Variants in FAM186B observed in about 807,000 individuals in gnomAD.
FAM186B encodes the protein protein FAM186B.
In FAM186B, 68 loss-of-function variants were observed where a neutral mutation model predicts 83.4. The observed-to-expected ratio is 0.81, with a 90% CI of 0.67 to 1.00. The LOEUF (loss-of-function observed/expected upper bound fraction) is 1.00. FAM186B is among the 50% of genes least tolerant of loss of function. The pLI, the probability that FAM186B is intolerant of heterozygous loss-of-function variation, is 0.00. For synonymous variants in FAM186B, 389 were observed against 422.0 expected (o/e 0.92, Z 0.96); for missense variants, 983 against 1,099.2 (o/e 0.89, Z 1.49).
Position 49,599,657 on chromosome 12 carries a change from C to T in FAM186B, c.1983G>A (p.Val661=), listed in dbSNP as rs1200540762. 5 of 1,605,428 alleles carry T rather than the reference C, an allele frequency of 3.1e-6. No homozygotes were observed. In the African/African-American group the frequency reaches 6.7e-5, roughly 22 times the overall value. Residue 661 remains valine, a synonymous_variant, in exon 4 of 7, where the codon GTG becomes GTA. Coordinates refer to ENST00000257894, the MANE Select transcript of FAM186B (RefSeq NM_032130.3). ...QISPANIKKK[V]YHMDMEAQRK... ...TCTGGGCCTCCATGTCCATGTGGTA[C>T]ACCTTCTTCTTAATATTTGCAGGGG...
the FAM186B span, among the ~76,000 whole-genome samples, chr12:49,616,408 A>G: frequency 6.6e-6 from 1 of 152,242 alleles, no homozygotes; most frequent in Non-Finnish European, 1.5e-5. Context: ...ATTATAAAAC[A>G]TATGTCCACA....
At chr12:49,589,137 T>C (rs1939519570) in intron 5 of FAM186B, among the ~76,000 whole-genome samples, 1 of 152,214 alleles carries the variant, frequency 6.6e-6, no homozygotes. Flanking sequence ...TATAAGGTGA[T>C]ATGAAACCTC....
chr12:49,608,359 T>G (rs1325546363), upstream of FAM186B, among the ~76,000 whole-genome samples: 2 of 150,882 alleles, frequency 1.3e-5, no homozygotes, highest in Non-Finnish European at 3.0e-5. Context: ...GGTGTGGTGG[T>G]GTGCACCTGT....
At chr12:49,597,193 CAA>C (rs1565808328) in intron 5 of FAM186B, among the ~76,000 whole-genome samples, 1 of 152,146 alleles carries the variant, frequency 6.6e-6, no homozygotes, top group Admixed American at 6.5e-5. Context: ...GTTCACACAA[CAA>C]AAAATTGCTT....
chr12:49,592,272 GA>G (rs1468211407), intron 5 of FAM186B, among the ~76,000 whole-genome samples: 2 of 152,118 alleles, frequency 1.3e-5, no homozygotes, highest in Non-Finnish European at 2.9e-5. Flanking sequence ...AGGAGTTCGA[GA>G]CCAGCCTGAC....
At chr12:49,587,850 C>A in intron 6 of FAM186B, 98 bp from the exon 7 acceptor site, 1 of 1,341,912 alleles carries the variant, frequency 7.5e-7, no homozygotes, top group South Asian at 1.4e-5. Context: ...GCTTTGTCTC[C>A]TTCCCTTCTC....
the FAM186B span, among the ~76,000 whole-genome samples, chr12:49,614,127 G>A: frequency 2.0e-5 from 3 of 150,196 alleles, no homozygotes; most frequent in African/African-American, 4.9e-5. Flanking sequence ...TCCAGCCTGG[G>A]CAACAAGAGT....
chr12:49,593,643 A>AAAAAAAAG (rs61115320), intron 5 of FAM186B, among the ~76,000 whole-genome samples: 1 of 150,164 alleles, frequency 6.7e-6, no homozygotes. Flanking sequence ...AAAAAAAAAA[A>AAAAAAAAG]AAAGAAAAGA....
rs751420833 is a variant in FAM186B at position 49,603,275 on chromosome 12, G to A, written c.415C>T (p.Pro139Ser). The A allele has an allele frequency of 1.2e-6, 2 of 1,614,196 alleles. No individual in the cohort carries two copies. Among genetic ancestry groups the A allele is most frequent in the Non-Finnish European group, 1.7e-6 (2 of 1,180,038 alleles). Residue 139 changes from proline (P) to serine (S), a missense_variant, in exon 3 of 7, where the codon CCG (proline) becomes TCG (serine). Coordinates refer to ENST00000257894, the MANE Select transcript of FAM186B (RefSeq NM_032130.3). ...CTTTTGGTGGCAATGAGGGACAGCG[G>A]TAACACTTTCTCCGTCACTTCAATC... ...EWIEVTEKVL[P>S]LSLIATKRGI...
At chr12:49,584,729 ACT>A (rs1483011224), downstream of FAM186B, 51 of 664,780 alleles carry the variant, frequency 7.7e-5, no homozygotes, top group Admixed American at 8.5e-5. Flanking sequence ...CTGAGCCCAG[ACT>A]CAGCCTGGAC....
chr12:49,611,774 G>A, the FAM186B span, among the ~76,000 whole-genome samples: 9 of 141,794 alleles, frequency 6.3e-5, no homozygotes, highest in East Asian at 2.1e-4. Flanking sequence ...CAGGAGAATC[G>A]CTTGAACCTG....
chr12:49,612,144 C>T, the FAM186B span, among the ~76,000 whole-genome samples: 198 of 152,140 alleles, frequency 1.3e-3, no homozygotes, highest in South Asian at 0.011. Context: ...CAATATTAAC[C>T]TTGAATGTAA....
the FAM186B span, among the ~76,000 whole-genome samples, chr12:49,617,726 G>GT: frequency 6.6e-6 from 1 of 151,276 alleles, no homozygotes; most frequent in Admixed American, 6.6e-5. Context: ...AAGTTTCTGG[G>GT]TAAAAAATGG....
downstream of FAM186B, chr12:49,583,531 A>G (rs1939378856): frequency 6.4e-6 from 1 of 155,918 alleles, no homozygotes; most frequent in South Asian, 1.9e-4. Context: ...GTCCTGCATC[A>G]TGATGCCAAC....
upstream of FAM186B, among the ~76,000 whole-genome samples, chr12:49,606,486 GACACACACACACACACACACACAC>G (rs57458344): frequency 7.4e-6 from 1 of 135,994 alleles, no homozygotes; most frequent in Non-Finnish European, 1.6e-5. Flanking sequence ...TAGATACCCT[GACACACACACACACACACACACAC>G]ACACACACAC....
the FAM186B span, chr12:49,622,506 C>T: frequency 6.6e-6 from 1 of 152,264 alleles, no homozygotes; most frequent in Non-Finnish European, 1.5e-5. Context: ...TACGCTGCCT[C>T]AAATAAGAAA....
At chr12:49,602,452 G>A (rs1939915634) in intron 3 of FAM186B, among the ~76,000 whole-genome samples, 1 of 152,170 alleles carries the variant, frequency 6.6e-6, no homozygotes, top group Non-Finnish European at 1.5e-5. Context: ...TCCAAGCATG[G>A]TGTCAGACAC....
intron 5 of FAM186B, among the ~76,000 whole-genome samples, chr12:49,592,793 A>T (rs1027861042): frequency 2.0e-5 from 3 of 152,188 alleles, no homozygotes; most frequent in Non-Finnish European, 4.4e-5. Flanking sequence ...CAAAAAATAA[A>T]AATAAAAAAT....
intron 2 of FAM186B, among the ~76,000 whole-genome samples, chr12:49,603,953 C>T (rs1242008448): frequency 6.6e-6 from 1 of 152,214 alleles, no homozygotes; most frequent in Non-Finnish European, 1.5e-5. Flanking sequence ...CAAATGGCTG[C>T]ACCAGTTGCT....
Sources: allele counts gnomAD v4.1 joint callset (sites outside exome capture counted in the v4.1 genomes callset), GRCh38; gene constraint gnomAD v4.1.1; transcripts MANE v1.5; gene names NCBI Gene and HGNC (gene_info 2026-07-23, HGNC 2026-07-21).